Variants in EHBP1 observed in about 807,000 individuals in gnomAD.
EHBP1 encodes EH domain binding protein 1.
In EHBP1, 55 loss-of-function variants were observed where a neutral mutation model predicts 144.0. The observed-to-expected ratio is 0.38, with a 90% CI of 0.31 to 0.48. The LOEUF is 0.48. Ranked by LOEUF, EHBP1 falls within the 20% of genes least tolerant of loss-of-function variation. The pLI, the probability that EHBP1 is intolerant of heterozygous loss-of-function variation, is 0.98. For missense variants in EHBP1, 1,200 were observed against 1,364.2 expected (o/e 0.88, Z 1.90); for synonymous variants, 469 against 472.7 (o/e 0.99, Z 0.10).
intron 2 of EHBP1, among the ~76,000 whole-genome samples, chr2:62,714,921 T>G (rs2035519029): frequency 6.6e-6 from 1 of 152,226 alleles, no homozygotes; most frequent in Non-Finnish European, 1.5e-5. Flanking sequence ...TACATATTTT[T>G]GCTTCTGAAG....
intron 10 of EHBP1, among the ~76,000 whole-genome samples, chr2:62,928,449 C>CTCCAA (rs1283673147): frequency 4.6e-5 from 7 of 152,124 alleles, no homozygotes; most frequent in African/African-American, 1.7e-4. Context: ...TCAACACTAC[C>CTCCAA]TCCAAGTTTG....
upstream of EHBP1, among the ~76,000 whole-genome samples, chr2:62,705,183 C>G (rs2034423844): frequency 6.6e-6 from 1 of 152,080 alleles, no homozygotes; most frequent in Non-Finnish European, 1.5e-5. Context: ...GAAATAAAGG[C>G]TATGCGCAAA....
chr2:63,018,482 A>G (rs951090971), intron 19 of EHBP1, among the ~76,000 whole-genome samples: 4 of 152,216 alleles, frequency 2.6e-5, no homozygotes, highest in African/African-American at 4.8e-5. Context: ...GTTCTGGATC[A>G]TAGGATTTCT....
chr2:62,688,092 T>C (rs1362912555), intron 1 of EHBP1, among the ~76,000 whole-genome samples: 1 of 152,150 alleles, frequency 6.6e-6, no homozygotes, highest in Non-Finnish European at 1.5e-5. Context: ...GTAGTATATT[T>C]TTAAAAATGA....
chr2:62,928,256 G>A (rs1326551757), intron 10 of EHBP1, among the ~76,000 whole-genome samples: 5 of 152,136 alleles, frequency 3.3e-5, no homozygotes, highest in Non-Finnish European at 5.9e-5. Flanking sequence ...CCTGTCTCCA[G>A]CCCTCATGCT....
intron 2 of EHBP1, among the ~76,000 whole-genome samples, chr2:62,731,953 T>G (rs1310444571): frequency 6.6e-6 from 1 of 152,194 alleles, no homozygotes; most frequent in African/African-American, 2.4e-5. Context: ...GTTTCTCACT[T>G]AAGAAGGACA....
intron 1 of EHBP1, among the ~76,000 whole-genome samples, chr2:62,682,497 C>T (rs2033566010): frequency 6.6e-6 from 1 of 152,168 alleles, no homozygotes; most frequent in Non-Finnish European, 1.5e-5. Context: ...AGCTACACAA[C>T]CAAAGTTGCA....
intron 10 of EHBP1, among the ~76,000 whole-genome samples, chr2:62,932,984 A>T (rs2153045396): frequency 6.6e-6 from 1 of 151,844 alleles, no homozygotes; most frequent in South Asian, 2.1e-4. Flanking sequence ...TAAGATGGTA[A>T]ATATTATGTG....
intron 10 of EHBP1, among the ~76,000 whole-genome samples, chr2:62,932,361 T>C (rs1317119310): frequency 6.6e-6 from 1 of 152,128 alleles, no homozygotes; most frequent in African/African-American, 2.4e-5. Context: ...CAAAATGTGG[T>C]ATATATCTGC....
chr2:63,029,880 C>CTG (rs2061159449), intron 19 of EHBP1, among the ~76,000 whole-genome samples: 2 of 152,174 alleles, frequency 1.3e-5, no homozygotes, highest in Non-Finnish European at 2.9e-5. Context: ...AGGCACACGC[C>CTG]ACCATGCCTG....
chr2:63,019,725 AAAGGG>A, intron 19 of EHBP1, among the ~76,000 whole-genome samples: 1 of 144,154 alleles, frequency 6.9e-6, no homozygotes, highest in Admixed American at 6.9e-5. Context: ...AAAAAGAAAG[AAAGGG>A]AAGGGAAGAG....
At chr2:62,758,733 A>T (rs551273273) in intron 3 of EHBP1, among the ~76,000 whole-genome samples, 1 of 152,202 alleles carries the variant, frequency 6.6e-6, no homozygotes, top group South Asian at 2.1e-4. Flanking sequence ...ATTTTTTTTC[A>T]TGGCATTACC....
chr2:62,770,188 G>C (rs1573247709), intron 4 of EHBP1, among the ~76,000 whole-genome samples: 1 of 152,232 alleles, frequency 6.6e-6, no homozygotes, highest in African/African-American at 2.4e-5. Context: ...TTAAACAAGA[G>C]CTTCTGCACA....
intron 19 of EHBP1, among the ~76,000 whole-genome samples, chr2:63,004,760 A>G (rs1358574874): frequency 1.3e-5 from 2 of 152,110 alleles, no homozygotes; most frequent in Non-Finnish European, 2.9e-5. Context: ...TTGTGGTGCT[A>G]GAATTAGTAA....
Position 63,045,469 on chromosome 2 carries a change from C to A in EHBP1, c.3452C>A (p.Ala1151Asp). 1 of 1,613,970 alleles carries A rather than the reference C, an allele frequency of 6.2e-7. No homozygotes were observed. The highest frequency in any genetic ancestry group is 8.5e-7 in the Non-Finnish European group (1 of 1,179,904). Residue 1151 changes from alanine to aspartate, a missense_variant, in exon 23 of 23, where the codon GCC becomes GAC. Around this residue, in one of 6 missense-constraint regions of EHBP1, gnomAD observed 149 missense variants for 217.0 expected, o/e 0.69. Transcript: ENST00000431489. The surrounding 1 kb of genome is among the most constrained non-coding windows in gnomAD (Gnocchi z 5.7). ...RTLEQNKGKMAKKEEKCVLQ is the reference protein window; with the variant it reads ...RTLEQNKGKMDKKEEKCVLQ ...CTGGAGCAAAACAAAGGCAAGATGGCCAAGAAAGAGGAGAAATGTGTTCTT... is the reference window on the plus strand; with the variant it reads ...CTGGAGCAAAACAAAGGCAAGATGGACAAGAAAGAGGAGAAATGTGTTCTT...
chr2:62,845,013 A>C (rs1338274558), intron 7 of EHBP1, among the ~76,000 whole-genome samples: 1 of 152,190 alleles, frequency 6.6e-6, no homozygotes, highest in Non-Finnish European at 1.5e-5. Flanking sequence ...ACTTGGGTAC[A>C]AAGTGACAAG....
intron 19 of EHBP1, among the ~76,000 whole-genome samples, chr2:63,026,541 A>T (rs1316679561): frequency 1.3e-5 from 2 of 152,168 alleles, no homozygotes; most frequent in African/African-American, 2.4e-5. Flanking sequence ...CTTAGGGAGA[A>T]TAAATAACTT....
At chr2:62,987,874 G>C (rs2059262040) in intron 15 of EHBP1, 4 of 962,276 alleles carry the variant, frequency 4.2e-6, no homozygotes, top group Non-Finnish European at 4.6e-6. Flanking sequence ...TAGTGTTTTG[G>C]ATGAATGATA....
At chr2:62,911,671 A>G (rs1225597466) in intron 10 of EHBP1, among the ~76,000 whole-genome samples, 1 of 152,180 alleles carries the variant, frequency 6.6e-6, no homozygotes, top group African/African-American at 2.4e-5. Flanking sequence ...CATGTTGGTC[A>G]GGCTGGTCTC....
Sources: allele counts gnomAD v4.1 joint callset (sites outside exome capture counted in the v4.1 genomes callset), GRCh38; gene constraint gnomAD v4.1.1; regional missense constraint gnomAD v4.1.1; non-coding constraint Gnocchi (gnomAD v3.1); transcripts MANE v1.5; gene names NCBI Gene and HGNC (gene_info 2026-07-23, HGNC 2026-07-21).